DDAH1: variants seen among roughly 807,000 people sequenced by gnomAD.
The protein encoded by DDAH1 is N(G),N(G)-dimethylarginine dimethylaminohydrolase 1.
DDAH1 carries 19 observed loss-of-function variants against 28.8 expected under a neutral mutation model. The ratio of observed to expected loss-of-function variants is 0.66; its 90% CI spans 0.46 to 0.97. The LOEUF (loss-of-function observed/expected upper bound fraction) is 0.97, where lower values mean the gene tolerates loss of function less well. Ranked by LOEUF, DDAH1 falls within the 50% of genes least tolerant of loss-of-function variation. The probability of loss-of-function intolerance (pLI) is 0.00; values close to 1 mark genes in which losing one functional copy is unlikely to be tolerated. For missense variants in DDAH1, 326 were observed against 375.9 expected (o/e 0.87, Z 1.10); for synonymous variants, 153 against 154.4 (o/e 0.99, Z 0.07).
In DDAH1 at chr1:85,526,305, A is replaced by G. The variant is rs1657870209; in HGVS notation, c.-122-30024T>C. ...CTAATACTATATGTTTGCAGTGACA[A>G]TGATCCCTCAGCTTCTGAATCATCT... On this transcript the variant is annotated intron_variant, in intron 1 of 6. Coordinates refer to the DDAH1 transcript ENST00000426972. 1.3e-5 allele frequency among the ~76,000 whole-genome samples: 2 copies of G among 152,182 alleles called. 1 individual carries two copies. The highest frequency in any genetic ancestry group is 4.8e-5 in the African/African-American group (2 of 41,456).
chr1:85,459,769 C>T (rs1348307725), intron 1 of DDAH1, among the ~76,000 whole-genome samples: 1 of 152,008 alleles, frequency 6.6e-6, no homozygotes, highest in Admixed American at 6.5e-5. Context: ...TGTGCCTAGG[C>T]CATTTAGGGG....
chr1:85,563,116 C>A (rs532732486), intron 1 of DDAH1, among the ~76,000 whole-genome samples: 1 of 152,110 alleles, frequency 6.6e-6, no homozygotes, highest in Admixed American at 6.6e-5. Flanking sequence ...CAGGGGGAAC[C>A]CAGGCAGTCT....
At chr1:85,349,457 A>G (rs2100839594) in intron 4 of DDAH1, among the ~76,000 whole-genome samples, 1 of 148,588 alleles carries the variant, frequency 6.7e-6, no homozygotes, top group South Asian at 2.3e-4. Context: ...GTCTATGACT[A>G]AGAGGAACTT....
intron 1 of DDAH1, among the ~76,000 whole-genome samples, chr1:85,564,813 G>A (rs576128295): frequency 1.9e-4 from 29 of 151,220 alleles, no homozygotes; most frequent in Non-Finnish European, 3.5e-4. Context: ...GCAGTGAGCC[G>A]AGATTGTGCC....
chr1:85,341,533 C>T (rs374537769), intron 4 of DDAH1, among the ~76,000 whole-genome samples: 25 of 152,212 alleles, frequency 1.6e-4, no homozygotes, highest in South Asian at 1.2e-3. Context: ...AAAGATGTTC[C>T]GGCTGGGCGA....
chr1:85,565,015 T>C lies in DDAH1; in HGVS notation c.-123+12969A>G, dbSNP rs369538891. Among the ~76,000 whole-genome samples the C allele has an allele frequency of 9.2e-5, 14 of 151,898 alleles. No homozygotes were observed. In the South Asian group the frequency reaches 2.9e-3, roughly 32 times the overall value. ...TTTGAGACCAGCCTGGCCAACATGG[T>C]GAAACCCCATTTCTACTGAAAATAC... On this transcript the variant is annotated intron_variant, in intron 1 of 6. Coordinates refer to the DDAH1 transcript ENST00000426972.
chr1:85,388,731 A>G (rs1353848448), intron 1 of DDAH1, among the ~76,000 whole-genome samples: 2 of 152,204 alleles, frequency 1.3e-5, no homozygotes, highest in African/African-American at 4.8e-5. Flanking sequence ...CTCTAGGACC[A>G]CCAATGGCTC....
chr1:85,419,562 T>TAAAAAAAAAA (rs1653043048), intron 1 of DDAH1, among the ~76,000 whole-genome samples: 2 of 47,392 alleles, frequency 4.2e-5, no homozygotes, highest in African/African-American at 1.8e-4. Context: ...AAAAAAAAAG[T>TAAAAAAAAAA]CTGGGTAACA....
chr1:85,548,789 T>C (rs1405473833), intron 1 of DDAH1, among the ~76,000 whole-genome samples: 1 of 152,244 alleles, frequency 6.6e-6, no homozygotes, highest in Non-Finnish European at 1.5e-5. Context: ...AGAGCCACCA[T>C]ACACAAAAGT....
chr1:85,494,945 C>G (rs1360188589), intron 2 of DDAH1: 1 of 152,272 alleles, frequency 6.6e-6, no homozygotes, highest in Admixed American at 6.5e-5. Context: ...TCACAAATCA[C>G]AGTTACTCAA....
At chr1:85,572,515 T>A (rs1169505752) in intron 1 of DDAH1, among the ~76,000 whole-genome samples, 1 of 152,220 alleles carries the variant, frequency 6.6e-6, no homozygotes. Flanking sequence ...AATTTTCTCA[T>A]CTTTTTAATG....
chr1:85,436,731 T>C (rs879545613), intron 1 of DDAH1, among the ~76,000 whole-genome samples: 4 of 152,190 alleles, frequency 2.6e-5, no homozygotes, highest in Admixed American at 2.6e-4. Flanking sequence ...AGAGCAGCTC[T>C]ATGGCCACAC....
chr1:85,504,172 T>C lies in DDAH1; in HGVS notation c.-122-7891A>G, dbSNP rs142828312. On this transcript the variant is annotated intron_variant, in intron 1 of 6. Transcript: ENST00000426972. The stretch of plus-strand genomic sequence containing the variant: ...GAGCTGTCATAACCTAAGTAAGAGA[T>C]GATGGCTCTATAACTCCACGAAATA... Among the ~76,000 whole-genome samples the C allele has an allele frequency of 1.4e-4, 22 of 152,336 alleles. 1 individual carries two copies. The highest frequency in any genetic ancestry group is 3.4e-3 in the Middle Eastern group (1 of 294).
At chr1:85,386,707 T>C (rs578120015) in intron 1 of DDAH1, among the ~76,000 whole-genome samples, 132 of 152,138 alleles carry the variant, frequency 8.7e-4, no homozygotes, top group Non-Finnish European at 1.7e-3. Context: ...GGGGACTCTG[T>C]GTAGGGGGCT....
intron 1 of DDAH1, among the ~76,000 whole-genome samples, chr1:85,419,749 T>C (rs1653055209): frequency 6.6e-6 from 1 of 152,130 alleles, no homozygotes; most frequent in Non-Finnish European, 1.5e-5. Context: ...TTTCCTATAT[T>C]GGGATCCCAT....
intron 1 of DDAH1, among the ~76,000 whole-genome samples, chr1:85,512,301 C>T (rs189667262): frequency 2.0e-5 from 3 of 152,038 alleles, no homozygotes; most frequent in African/African-American, 4.8e-5. Context: ...ATTCAACAGC[C>T]CTTCATGCTA....
chr1:85,418,251 T>A (rs2100608856), intron 1 of DDAH1, among the ~76,000 whole-genome samples: 1 of 152,356 alleles, frequency 6.6e-6, no homozygotes, highest in South Asian at 2.1e-4. Flanking sequence ...AAGAAAAGCA[T>A]TTCCCTTTTT....
intron 4 of DDAH1, among the ~76,000 whole-genome samples, chr1:85,330,868 T>C (rs1647719963): frequency 6.6e-6 from 1 of 152,296 alleles, no homozygotes; most frequent in South Asian, 2.1e-4. Flanking sequence ...CTTCAGGAGA[T>C]GAAAAGCTAT....
intron 2 of DDAH1, among the ~76,000 whole-genome samples, chr1:85,471,505 A>C (rs929529697): frequency 6.6e-6 from 1 of 152,268 alleles, no homozygotes; most frequent in Non-Finnish European, 1.5e-5. Flanking sequence ...ATTGATGTGT[A>C]AAGTGGGAGT....
Sources: allele counts gnomAD v4.1 joint callset (sites outside exome capture counted in the v4.1 genomes callset), GRCh38; gene constraint gnomAD v4.1.1; transcripts MANE v1.5; gene names NCBI Gene and HGNC (gene_info 2026-07-23, HGNC 2026-07-21).